Variants in CHST9 observed in about 807,000 individuals in gnomAD.
CHST9 encodes GalNAc-4-sulfotransferase 2.
Under a neutral mutation model 44.4 loss-of-function variants are expected in CHST9, and 41 were observed. The observed-to-expected ratio is 0.92, with a 90% CI of 0.72 to 1.20. The LOEUF (loss-of-function observed/expected upper bound fraction) is 1.20, where lower values mean the gene tolerates loss of function less well. CHST9 is among the 50% of genes most tolerant of loss of function. The pLI, the probability that CHST9 is intolerant of heterozygous loss-of-function variation, is 0.00. For synonymous variants in CHST9, 171 were observed against 178.4 expected, an observed-to-expected ratio of 0.96 and a Z score of 0.33; for missense variants, 504 against 516.5, an observed-to-expected ratio of 0.98 and a Z score of 0.23.
At chr18:27,171,438 A>C (rs936224325) in intron 1 of CHST9, among the ~76,000 whole-genome samples, 2 of 152,214 alleles carry the variant, frequency 1.3e-5, no homozygotes, top group Non-Finnish European at 1.5e-5. Context: ...GGTTTTGTGC[A>C]CTGACTACAT....
intron 2 of CHST9, among the ~76,000 whole-genome samples, chr18:27,049,761 G>A (rs369701820): frequency 1.2e-4 from 18 of 152,238 alleles, no homozygotes; most frequent in Admixed American, 7.2e-4. Context: ...CATAAAGCAA[G>A]TCTCAATAAA....
rs562685906 is a variant in CHST9 at position 26,975,679 on chromosome 18, A to G, written c.203-31313T>C. ...TATATATATATATATAAATATATGT[A>G]TATATGTGTGTGTATATATATGTGT... On this transcript the variant is annotated intron_variant, in intron 4 of 5. Transcript: ENST00000618847. Among the ~76,000 whole-genome samples the G allele has an allele frequency of 2.3e-3, 323 of 141,648 alleles. 1 individual carries two copies. The highest frequency in any genetic ancestry group is 2.8e-3 in the Non-Finnish European group (186 of 65,746). 92.9% of individuals were successfully genotyped at this position (141,648 alleles called of 152,430 possible).
chr18:26,974,764 C>T (rs1327574009), intron 4 of CHST9, among the ~76,000 whole-genome samples: 1 of 151,610 alleles, frequency 6.6e-6, no homozygotes, highest in Non-Finnish European at 1.5e-5. Context: ...ACCTCTGCAT[C>T]CCAAGCTGAG....
At chr18:27,174,796 T>G (rs1028610278) in intron 1 of CHST9, among the ~76,000 whole-genome samples, 1 of 152,054 alleles carries the variant, frequency 6.6e-6, no homozygotes, top group African/African-American at 2.4e-5. Flanking sequence ...TCTAATCCAT[T>G]ACATACATTA....
rs8087815 is a variant in CHST9 at position 27,142,968 on chromosome 18, A to G, written c.-96-63T>C. The G allele has an allele frequency of 3.9e-3, 2,369 of 601,952 alleles. 46 individuals are homozygous for G. The highest frequency in any genetic ancestry group is 0.039 in the African/African-American group (2,084 of 53,176). The allele number at this position is 601,952 out of a possible 1,614,324, so 37.3% of individuals were successfully genotyped here. Reference sequence around the variant, plus strand: ...GCTAATATTAATTCTCAAATACGGCATAAATATTCACTATCTCAACAAGGC... The same window carrying G: ...GCTAATATTAATTCTCAAATACGGCGTAAATATTCACTATCTCAACAAGGC... On this transcript the variant is annotated intron_variant, in intron 1 of 5. Transcript: ENST00000618847.
At chr18:27,075,970 T>C (rs750296837) in intron 2 of CHST9, among the ~76,000 whole-genome samples, 5 of 152,214 alleles carry the variant, frequency 3.3e-5, no homozygotes, top group Non-Finnish European at 7.3e-5. Flanking sequence ...AGATGTGAAG[T>C]GCACAGAGCT....
chr18:27,002,603 T>C (rs1054833924), intron 4 of CHST9, among the ~76,000 whole-genome samples: 2 of 152,218 alleles, frequency 1.3e-5, no homozygotes, highest in African/African-American at 2.4e-5. Context: ...TTTGCCTAAC[T>C]GTAGGCTAAT....
chr18:26,916,519 A>G lies in CHST9; in HGVS notation c.1072T>C (p.Tyr358His). The part of the protein sequence containing the change: ...IHWEKVSKLC[Y>H]PCLINYDFVG... ...AAATCATAGTTGATCAAACACGGAT[A>G]GCAGAGTTTGCTGACCTTTTCCCAG... Residue 358 changes from tyrosine (Y) to histidine (H), a missense_variant, in exon 6 of 6, where the codon TAT becomes CAT. Coordinates refer to ENST00000618847, the MANE Select transcript of CHST9 (RefSeq NM_031422.6). The G allele has an allele frequency of 6.2e-7, 1 of 1,613,900 alleles. No homozygotes were observed. The highest frequency in any genetic ancestry group is 8.5e-7 in the Non-Finnish European group (1 of 1,179,796).
intron 3 of CHST9, among the ~76,000 whole-genome samples, chr18:27,026,847 T>C (rs921713399): frequency 6.6e-6 from 1 of 152,186 alleles, no homozygotes; most frequent in Non-Finnish European, 1.5e-5. Flanking sequence ...GTTTAGAAGA[T>C]TGAAAAAGAA....
At chr18:26,953,129 C>T (rs1271894666) in intron 4 of CHST9, among the ~76,000 whole-genome samples, 2 of 152,150 alleles carry the variant, frequency 1.3e-5, no homozygotes, top group African/African-American at 2.4e-5. Context: ...CTGTATTGTA[C>T]TATCTATTGG....
At chr18:27,021,494 G>GT (rs1184848056) in intron 4 of CHST9, among the ~76,000 whole-genome samples, 2 of 152,148 alleles carry the variant, frequency 1.3e-5, no homozygotes, top group African/African-American at 4.8e-5. Flanking sequence ...TCAGCCACTA[G>GT]TATACCTGCT....
chr18:27,052,036 G>A (rs1376976480), intron 2 of CHST9, among the ~76,000 whole-genome samples: 1 of 152,078 alleles, frequency 6.6e-6, no homozygotes, highest in Non-Finnish European at 1.5e-5. Flanking sequence ...CAGAAGGGAG[G>A]CTGAAAGGTG....
chr18:27,127,858 T>C (rs1365606431), intron 2 of CHST9, among the ~76,000 whole-genome samples: 1 of 152,068 alleles, frequency 6.6e-6, no homozygotes, highest in East Asian at 1.9e-4. Context: ...TGGAAATAAG[T>C]GAGTCTATGT....
rs187878945 is a variant in CHST9, at chr18:26,985,624, G to T, written c.202+38492C>A. ...GTTCTCAAGACAAAGAACCAGAAAG[G>T]TGCATGCAGTTCAAAGAGAGAATGC... is the stretch of plus-strand genomic sequence containing the variant. On this transcript the variant is annotated intron_variant, in intron 4 of 5. Coordinates refer to ENST00000618847, the MANE Select transcript of CHST9 (RefSeq NM_031422.6). Among the ~76,000 whole-genome samples, 12 of 152,290 alleles carry T rather than the reference G, an allele frequency of 7.9e-5. No homozygotes were observed. The East Asian group carries it at 2.3e-3, about 29-fold the overall frequency.
chr18:26,917,121 G>A lies in CHST9; in HGVS notation c.470C>T (p.Pro157Leu). 1.9e-6 allele frequency: 3 copies of A among 1,613,868 alleles called. No individual in the cohort carries two copies. The highest frequency in any genetic ancestry group is 2.5e-6 in the Non-Finnish European group (3 of 1,179,856). The change falls in exon 6 of 6, where the codon CCT becomes CTT. Residue 157 changes from proline (P) to leucine (L), a missense_variant. Physicochemically the swap from Pro to Leu is moderately conservative, Grantham distance 98. Transcript: ENST00000618847. Reference protein sequence around the residue: ...SNMNWPVDIHPLNKSLVKDNK... With the variant: ...SNMNWPVDIHLLNKSLVKDNK... ...ATCTTTGACTAAACTTTTGTTTAAA[G>A]GGTGAATGTCCACTGGCCAATTCAT... is the stretch of plus-strand genomic sequence containing the variant.
chr18:27,124,504 C>A (rs2058402999), intron 2 of CHST9, among the ~76,000 whole-genome samples: 1 of 152,152 alleles, frequency 6.6e-6, no homozygotes, highest in African/African-American at 2.4e-5. Flanking sequence ...TCAAAAGGAC[C>A]AGAAACAGAA....
intron 1 of CHST9, among the ~76,000 whole-genome samples, chr18:27,143,663 AT>A (rs2058587433): frequency 6.6e-6 from 1 of 152,050 alleles, no homozygotes; most frequent in Admixed American, 6.6e-5. Context: ...TTTAGAAAAG[AT>A]TTACAAAATC....
chr18:27,032,817 G>A (rs1435454433), intron 3 of CHST9, among the ~76,000 whole-genome samples: 1 of 152,212 alleles, frequency 6.6e-6, no homozygotes, highest in Non-Finnish European at 1.5e-5. Flanking sequence ...TGAGAAAGGT[G>A]AAGGTCATAG....
chr18:27,039,557 T>C (rs1256573021), intron 3 of CHST9, among the ~76,000 whole-genome samples: 1 of 152,120 alleles, frequency 6.6e-6, no homozygotes, highest in Non-Finnish European at 1.5e-5. Context: ...TTGTGCAAGA[T>C]GAAAAGATTT....
Sources: gnomAD v4.1 joint callset for allele counts (sites outside exome capture counted in the v4.1 genomes callset) on GRCh38, gnomAD v4.1.1 for gene constraint, MANE v1.5 for transcripts, NCBI Gene and HGNC (gene_info 2026-07-23, HGNC 2026-07-21) for gene names.